The following NLGN4X variants were observed in gnomAD, a reference collection of about 807,000 sequenced individuals.
The protein encoded by NLGN4X is neuroligin 4 X-linked.
Under a neutral mutation model 40.3 loss-of-function variants are expected in NLGN4X, and 3 were observed. That is an observed-to-expected ratio of 0.07 (90% CI 0.03 to 0.19). The LOEUF is 0.19. Ranked by LOEUF, NLGN4X falls within the 10% of genes least tolerant of loss-of-function variation. NLGN4X has a pLI of 1.00. For missense variants in NLGN4X, 382 were observed against 708.3 expected (o/e 0.54, Z 5.23); for synonymous variants, 270 against 306.8 (o/e 0.88, Z 1.25).
intron 3 of NLGN4X, among the ~76,000 whole-genome samples, chrX:5,936,951 G>A (rs2033751677): frequency 9.0e-6 from 1 of 111,686 alleles, no homozygotes; most frequent in Admixed American, 9.5e-5. Flanking sequence ...GTCAGCAAAA[G>A]GGCGAGATGT....
chrX:6,020,276 A>G (rs2036498070), intron 3 of NLGN4X, among the ~76,000 whole-genome samples: 1 of 112,273 alleles, frequency 8.9e-6, no homozygotes, highest in Non-Finnish European at 1.9e-5. Context: ...CTCAAAAAAA[A>G]GGAAAGAAGT....
intron 3 of NLGN4X, among the ~76,000 whole-genome samples, chrX:5,971,964 G>A (rs1428794240): frequency 5.4e-5 from 6 of 111,868 alleles, no homozygotes; most frequent in Non-Finnish European, 1.1e-4. Flanking sequence ...CCAGACATGG[G>A]CTTATCCTTA....
chrX:6,042,730 T>TATATATATACATAC (rs1215396694), intron 2 of NLGN4X, among the ~76,000 whole-genome samples: 1 of 20,149 alleles, frequency 5.0e-5, no homozygotes, highest in African/African-American at 1.6e-4. Flanking sequence ...TATATATATA[T>TATATATATACATAC]ACACACACAC....
chrX:6,188,302 C>G (rs751415249), intron 1 of NLGN4X, among the ~76,000 whole-genome samples: 2 of 112,078 alleles, frequency 1.8e-5, no homozygotes, highest in African/African-American at 6.5e-5. Flanking sequence ...TCCGAGAAGA[C>G]GAAATACTCT....
chrX:5,921,325 T>C (rs1302610137), intron 3 of NLGN4X, among the ~76,000 whole-genome samples: 3 of 105,622 alleles, frequency 2.8e-5, no homozygotes, highest in Admixed American at 1.0e-4. Flanking sequence ...TTTTCTCCGA[T>C]GTTTCAATCT....
chrX:6,058,342 G>A (rs964251234), intron 2 of NLGN4X, among the ~76,000 whole-genome samples: 5 of 111,626 alleles, frequency 4.5e-5, no homozygotes, highest in Non-Finnish European at 7.5e-5. Context: ...CTAAATCTGT[G>A]ATTAAATAAT....
At position 5,891,087 on chromosome X, in the gene NLGN4X, C is replaced by T; in HGVS notation, c.*1730G>A. On this transcript the variant is annotated 3_prime_UTR_variant, in exon 6 of 6. Coordinates refer to ENST00000381095, the MANE Select transcript of NLGN4X (RefSeq NM_181332.3). ...TGCAATAATTTTTCAAAAAAGTATCCATTGCTACTATGTTTCCTTCCACCT... is the reference window on the plus strand; with the variant it reads ...TGCAATAATTTTTCAAAAAAGTATCTATTGCTACTATGTTTCCTTCCACCT... The T allele has an allele frequency of 3.5e-6, 1 of 283,183 alleles. No individual in the cohort carries two copies. Among genetic ancestry groups the T allele is most frequent in the South Asian group, 3.5e-5 (1 of 28,688 alleles). 23.3% of individuals were successfully genotyped at this position (283,183 alleles called of 1,213,427 possible). A position where few individuals can be genotyped will look rare whatever the true frequency, so the allele number is the denominator to read the frequency against.
At chrX:5,940,230 A>C (rs2033878022) in intron 3 of NLGN4X, among the ~76,000 whole-genome samples, 1 of 111,638 alleles carries the variant, frequency 9.0e-6, no homozygotes, top group South Asian at 3.7e-4. Context: ...CCAGGACTAA[A>C]TCAGTGCCTA....
intron 3 of NLGN4X, among the ~76,000 whole-genome samples, chrX:5,921,208 C>CATAGGCTT: frequency 9.7e-6 from 1 of 102,904 alleles, no homozygotes; most frequent in Non-Finnish European, 2.0e-5. Context: ...CAAAGAACAG[C>CATAGGCTT]ATAGGCTTAT....
chrX:6,098,756 G>A (rs938516088), intron 2 of NLGN4X, among the ~76,000 whole-genome samples: 30 of 111,210 alleles, frequency 2.7e-4, no homozygotes, highest in Admixed American at 8.6e-4. Context: ...AAGTCCCTCT[G>A]CTCACCAAGA....
intron 3 of NLGN4X, among the ~76,000 whole-genome samples, chrX:5,994,961 C>T (rs1342643012): frequency 8.9e-6 from 1 of 112,227 alleles, no homozygotes; most frequent in African/African-American, 3.2e-5. Flanking sequence ...AAACATATAC[C>T]TTCTTTGATG....
chrX:6,045,623 G>C (rs2037297570), intron 2 of NLGN4X, among the ~76,000 whole-genome samples: 2 of 111,519 alleles, frequency 1.8e-5, no homozygotes, highest in Admixed American at 1.9e-4. Flanking sequence ...AAGATCAAAG[G>C]AGAAAAAAGC....
chrX:5,911,470 G>T (rs770605829), intron 3 of NLGN4X, among the ~76,000 whole-genome samples: 2 of 111,865 alleles, frequency 1.8e-5, no homozygotes, highest in South Asian at 7.5e-4. Context: ...TGGATGGTTT[G>T]ATCTTTGAGG....
rs745895128 is a variant in NLGN4X, at chrX:5,998,303, G to A, written c.625+30977C>T. Among the ~76,000 whole-genome samples the A allele has an allele frequency of 5.5e-5, 6 of 108,266 alleles. No individual in the cohort carries two copies. In the East Asian group the frequency reaches 1.5e-3, roughly 26 times the overall value. 94.0% of individuals were successfully genotyped at this position (108,266 alleles called of 115,157 possible). On this transcript the variant is annotated intron_variant, in intron 3 of 5. Transcript: ENST00000381095. ...CAGGCTCCTGTAATCCCAGCTACTC[G>A]GGAGGCTGAGGCAGGAGAATCACTT...
chrX:5,902,748 A>G (rs1327685956), intron 5 of NLGN4X, among the ~76,000 whole-genome samples: 1 of 112,334 alleles, frequency 8.9e-6, no homozygotes, highest in Non-Finnish European at 1.9e-5. Flanking sequence ...GAACCATCAT[A>G]TATGTATGAG....
intron 3 of NLGN4X, among the ~76,000 whole-genome samples, chrX:5,911,663 G>A (rs1327902688): frequency 9.0e-6 from 1 of 111,529 alleles, no homozygotes; most frequent in East Asian, 2.8e-4. Context: ...TATCAACAAG[G>A]GGGAGTGCCT....
chrX:5,983,206 A>ATG (rs201236730), intron 3 of NLGN4X, among the ~76,000 whole-genome samples: 7,661 of 112,261 alleles, frequency 0.068, 628 homozygotes, highest in African/African-American at 0.23. Context: ...GCATGGCCCC[A>ATG]TGGATGAAAG....
At chrX:6,159,731 T>C (rs1006758037) in intron 1 of NLGN4X, among the ~76,000 whole-genome samples, 2 of 111,767 alleles carry the variant, frequency 1.8e-5, no homozygotes, top group Non-Finnish European at 3.8e-5. Context: ...CAGTGACCTC[T>C]TAAGTTGCTT....
At chrX:6,027,411 A>G (rs2036730095) in intron 3 of NLGN4X, among the ~76,000 whole-genome samples, 2 of 112,339 alleles carry the variant, frequency 1.8e-5, no homozygotes, top group African/African-American at 6.5e-5. Flanking sequence ...CAACGACATA[A>G]TAAGTTTTTT....
Sources: allele counts gnomAD v4.1 joint callset (sites outside exome capture counted in the v4.1 genomes callset), GRCh38; gene constraint gnomAD v4.1.1; transcripts MANE v1.5; gene names NCBI Gene and HGNC (gene_info 2026-07-23, HGNC 2026-07-21).